RMDN2: variants seen among roughly 807,000 people sequenced by gnomAD.
The protein encoded by RMDN2 is regulator of microtubule dynamics 2.
A neutral mutation model predicts 52.8 loss-of-function variants in RMDN2; 61 were observed. The observed-to-expected ratio is 1.16, with a 90% CI of 0.94 to 1.43. The LOEUF is 1.43. Among genes scored for constraint, RMDN2 ranks in the 40% most tolerant of loss-of-function variants. The probability of loss-of-function intolerance (pLI) is 0.00; values close to 1 mark genes in which losing one functional copy is unlikely to be tolerated. For missense variants in RMDN2, 592 were observed against 475.3 expected, an observed-to-expected ratio of 1.25 and a Z score of -2.28; for synonymous variants, 180 against 153.1, an observed-to-expected ratio of 1.18 and a Z score of -1.30.
chr2:37,940,253 T>C (rs1667670861), intron 2 of RMDN2, among the ~76,000 whole-genome samples: 1 of 152,264 alleles, frequency 6.6e-6, no homozygotes, highest in African/African-American at 2.4e-5. Context: ...AGAGATTTCC[T>C]GTTAGTCTGC....
At chr2:38,023,229 T>A (rs1409792725) in intron 10 of RMDN2, among the ~76,000 whole-genome samples, 3 of 152,026 alleles carry the variant, frequency 2.0e-5, no homozygotes, top group African/African-American at 7.3e-5. Context: ...TGCTCCAGAG[T>A]CCATGCTGTG....
At chr2:38,003,869 C>G in intron 8 of RMDN2, 122 bp from the exon 9 acceptor site, 1 of 748,996 alleles carries the variant, frequency 1.3e-6, no homozygotes, top group Non-Finnish European at 2.3e-6. Context: ...AAACAACCAA[C>G]CTAAATTCTT....
intron 1 of RMDN2, chr2:37,928,734 A>G (rs907003190): frequency 3.3e-5 from 5 of 152,254 alleles, no homozygotes; most frequent in Admixed American, 1.3e-4. Flanking sequence ...TCTCAAGTTT[A>G]TTGCTATGCA....
chr2:38,019,746 C>T (rs530475648), downstream of RMDN2, among the ~76,000 whole-genome samples: 1 of 152,104 alleles, frequency 6.6e-6, no homozygotes, highest in East Asian at 1.9e-4. Context: ...CAAGCCTGGG[C>T]AACATGGTGA....
At chr2:37,951,371 A>C in intron 2 of RMDN2, 2 of 1,613,320 alleles carry the variant, frequency 1.2e-6, no homozygotes, top group Non-Finnish European at 1.7e-6. Context: ...CCCCTGTAAC[A>C]CATAAAGTCA....
chr2:38,007,260 G>C (rs909668412), intron 10 of RMDN2, among the ~76,000 whole-genome samples: 1 of 152,148 alleles, frequency 6.6e-6, no homozygotes, highest in African/African-American at 2.4e-5. Context: ...CTGTTGATTG[G>C]AATAGTTTCA....
At chr2:37,996,588 CAAAAAAAAAAAAGAAAAAAAA>C in intron 7 of RMDN2, among the ~76,000 whole-genome samples, 1 of 110,116 alleles carries the variant, frequency 9.1e-6, no homozygotes, top group Non-Finnish European at 2.2e-5. Context: ...GAGACATTGC[CAAAAAAAAAAAAGAAAAAAAA>C]AAAAAAAAAG....
intron 2 of RMDN2, chr2:37,950,398 A>G: frequency 6.3e-7 from 1 of 1,578,008 alleles, no homozygotes; most frequent in Non-Finnish European, 8.7e-7. Flanking sequence ...GTTCTAATAT[A>G]AACTGATGTC....
At chr2:37,973,836 A>G (rs1288940636) in intron 2 of RMDN2, among the ~76,000 whole-genome samples, 1 of 152,144 alleles carries the variant, frequency 6.6e-6, no homozygotes, top group African/African-American at 2.4e-5. Flanking sequence ...AGGAAATGAG[A>G]TCAAAGAGGT....
chr2:38,020,745 C>A (rs1051958429), downstream of RMDN2, among the ~76,000 whole-genome samples: 1 of 152,232 alleles, frequency 6.6e-6, no homozygotes, highest in Non-Finnish European at 1.5e-5. Context: ...AGCTGCCTCC[C>A]GGCAGGGCAG....
At chr2:38,019,506 G>C (rs1361212412), downstream of RMDN2, among the ~76,000 whole-genome samples, 1 of 152,180 alleles carries the variant, frequency 6.6e-6, no homozygotes, top group Non-Finnish European at 1.5e-5. Context: ...TCAGTCTTTA[G>C]AGAATTAGGA....
intron 10 of RMDN2, among the ~76,000 whole-genome samples, chr2:38,013,101 C>T (rs762786981): frequency 6.6e-6 from 1 of 152,166 alleles, no homozygotes; most frequent in Non-Finnish European, 1.5e-5. Flanking sequence ...TTTCTTGACC[C>T]TAGGAAAGTA....
rs1301127640 is a variant in RMDN2, at chr2:37,937,333, G to GCCTT, written c.452+7606_452+7609dup. 3.3e-5 allele frequency among the ~76,000 whole-genome samples: 5 copies of GCCTT among 152,172 alleles called. No homozygotes were observed. In the South Asian group the frequency reaches 8.3e-4, roughly 25 times the overall value. On this transcript the variant is annotated intron_variant, in intron 2 of 10. Coordinates refer to ENST00000354545, the MANE Select transcript of RMDN2 (RefSeq NM_001170791.3). ...ATAGTTTGAAGTCAGGTAGCATGAT[G>GCCTT]CCTTCAGCTTGGTTCTTTTTGCTTA...
upstream of RMDN2, among the ~76,000 whole-genome samples, chr2:37,921,147 C>A (rs1457733500): frequency 6.6e-6 from 1 of 152,116 alleles, no homozygotes; most frequent in Non-Finnish European, 1.5e-5. Flanking sequence ...TACATATCTT[C>A]CTAAAATACC....
At chr2:37,932,056 ATTTAT>A (rs946720560) in intron 2 of RMDN2, among the ~76,000 whole-genome samples, 10 of 152,014 alleles carry the variant, frequency 6.6e-5, no homozygotes, top group Non-Finnish European at 1.0e-4. Flanking sequence ...TTATTTATTT[ATTTAT>A]TTTATTTATT....
At chr2:37,969,654 A>G (rs999122188) in intron 2 of RMDN2, among the ~76,000 whole-genome samples, 1 of 152,004 alleles carries the variant, frequency 6.6e-6, no homozygotes, top group African/African-American at 2.4e-5. Flanking sequence ...CAATTATTAT[A>G]ATTTTTGTTT....
chr2:37,960,320 G>T (rs899864695), intron 2 of RMDN2, among the ~76,000 whole-genome samples: 2 of 141,488 alleles, frequency 1.4e-5, no homozygotes, highest in African/African-American at 5.5e-5. Flanking sequence ...ATGAATCTGG[G>T]TGCTCCTGTA....
intron 4 of RMDN2, 50 bp downstream of exon 4, chr2:37,975,364 A>C (rs1433868296): frequency 9.5e-7 from 1 of 1,054,022 alleles, no homozygotes; most frequent in Admixed American, 1.8e-5. Context: ...GATCTATAGT[A>C]AATCATGCAG....
chr2:38,024,393 A>T (rs1315997611), intron 10 of RMDN2, among the ~76,000 whole-genome samples: 1 of 152,162 alleles, frequency 6.6e-6, no homozygotes, highest in African/African-American at 2.4e-5. Flanking sequence ...TCACATTCTC[A>T]CCAACAGCGT....
Sources: allele counts gnomAD v4.1 joint callset (sites outside exome capture counted in the v4.1 genomes callset), GRCh38; gene constraint gnomAD v4.1.1; transcripts MANE v1.5; gene names NCBI Gene and HGNC (gene_info 2026-07-23, HGNC 2026-07-21).